The following APPL2 variants were observed in gnomAD, a reference collection of about 807,000 sequenced individuals.
APPL2 encodes DCC-interacting protein 13-beta.
In APPL2, 84 loss-of-function variants were observed where a neutral mutation model predicts 92.7. The ratio of observed to expected loss-of-function variants is 0.91; its 90% CI spans 0.76 to 1.09. The LOEUF (loss-of-function observed/expected upper bound fraction) is 1.09. Ranked by LOEUF, APPL2 falls within the 50% of genes least tolerant of loss-of-function variation. APPL2 has a pLI of 0.00. For synonymous variants in APPL2, 291 were observed against 291.0 expected, an observed-to-expected ratio of 1.00 and a Z score of 0.00; for missense variants, 736 against 824.5, an observed-to-expected ratio of 0.89 and a Z score of 1.31.
Position 105,176,381 on chromosome 12 carries a change from G to A in APPL2, c.1813-299C>T, listed in dbSNP as rs1291948331. 19 of 532,382 alleles carry A rather than the reference G, an allele frequency of 3.6e-5. No homozygotes were observed. In the East Asian group the frequency reaches 6.0e-4, roughly 17 times the overall value. 33.0% of individuals were successfully genotyped at this position (532,382 alleles called of 1,614,324 possible). A position where few individuals can be genotyped will look rare whatever the true frequency, so the allele number is the denominator to read the frequency against. On this transcript the variant is annotated intron_variant, in intron 19 of 20. Transcript: ENST00000258530. Reference sequence around the variant, plus strand: ...CTCTCTCTTAAATGTATTTAGCCACGATATGTCCATATACACAGTGGCAAA... The same window carrying A: ...CTCTCTCTTAAATGTATTTAGCCACAATATGTCCATATACACAGTGGCAAA...
At chr12:105,232,994 G>C (rs1196978824) in intron 1 of APPL2, 1 of 726,462 alleles carries the variant, frequency 1.4e-6, no homozygotes, top group Non-Finnish European at 1.7e-6. Context: ...TTATTTCTTT[G>C]TTCCGTTATG....
chr12:105,211,577 C>G (rs1889220833), intron 4 of APPL2, among the ~76,000 whole-genome samples: 1 of 152,234 alleles, frequency 6.6e-6, no homozygotes, highest in East Asian at 1.9e-4. Flanking sequence ...ACCCTGTTCA[C>G]TGGGCAGACT....
chr12:105,221,158 C>T (rs1890068672), intron 2 of APPL2, among the ~76,000 whole-genome samples: 1 of 152,222 alleles, frequency 6.6e-6, no homozygotes, highest in Non-Finnish European at 1.5e-5. Context: ...AATTAATCCA[C>T]GCCCTGTGCC....
chr12:105,174,234 T>C lies in APPL2; in HGVS notation c.*80A>G. ...TCAGCCTTCGGAAATCAGGTCAGTG[T>C]GCCTGTATGTCAGAGACGTTAAAAC... On this transcript the variant is annotated 3_prime_UTR_variant, in exon 21 of 21. Transcript: ENST00000258530. The C allele has an allele frequency of 2.0e-6, 3 of 1,515,344 alleles. No individual in the cohort carries two copies. The highest frequency in any genetic ancestry group is 2.7e-6 in the Non-Finnish European group (3 of 1,124,624). 93.9% of individuals were successfully genotyped at this position (1,515,344 alleles called of 1,614,324 possible).
intron 1 of APPL2, chr12:105,233,218 T>A: frequency 1.0e-6 from 1 of 985,444 alleles, no homozygotes; most frequent in East Asian, 1.1e-4. Flanking sequence ...TGGAACAAAC[T>A]GTGAACCAGT....
intron 17 of APPL2, among the ~76,000 whole-genome samples, chr12:105,186,725 ATC>A (rs1466220437): frequency 7.2e-6 from 1 of 139,676 alleles, no homozygotes; most frequent in Non-Finnish European, 1.5e-5. Context: ...TCATATATAT[ATC>A]ATATATATCA....
At chr12:105,212,104 G>A (rs995903817) in intron 4 of APPL2, among the ~76,000 whole-genome samples, 3 of 119,966 alleles carry the variant, frequency 2.5e-5, no homozygotes, top group African/African-American at 9.6e-5. Flanking sequence ...GGGTGACAGA[G>A]CGAGACTCCA....
Position 105,197,866 on chromosome 12 carries a change from C to T in APPL2, c.951G>A (p.Val317=). 1 of 1,614,174 alleles carries T rather than the reference C, an allele frequency of 6.2e-7. No homozygotes were observed. Among genetic ancestry groups the T allele is most frequent in the Admixed American group, 1.7e-5 (1 of 60,020 alleles). ...CCAGGTCCTGGATCAAACCTCCAGC[C>T]ACGGCTCCCCTGGGCTGACACATGA... ...GNLMCQPRGA[V]AGGLIQDLDN... is the part of the protein sequence containing the mutation. Residue 317 remains valine, a synonymous_variant, in exon 11 of 21, where the codon GTG becomes GTA. Transcript: ENST00000258530.
In APPL2 at chr12:105,203,267, T is replaced by C. The variant is rs372720695; in HGVS notation, c.704+436A>G. Among the ~76,000 whole-genome samples the C allele has an allele frequency of 1.7e-3, 259 of 152,354 alleles. 3 individuals are homozygous for C. Among genetic ancestry groups the C allele is most frequent in the African/African-American group, 6.2e-3 (256 of 41,572 alleles). ...AACTACTGAAGACAGTGATGTTGTATTTCTTAAAATAAGCAAATACAGTTT... is the reference window on the plus strand; with the variant it reads ...AACTACTGAAGACAGTGATGTTGTACTTCTTAAAATAAGCAAATACAGTTT... On this transcript the variant is annotated intron_variant, in intron 9 of 20. Transcript: ENST00000258530.
At chr12:105,233,580 A>G (rs1174468810) in intron 1 of APPL2, 5 of 175,404 alleles carry the variant, frequency 2.9e-5, no homozygotes, top group Non-Finnish European at 4.5e-5. Context: ...ATTACTCTTC[A>G]TAAAACTAGA....
chr12:105,208,119 C>A, intron 6 of APPL2, 39 bp downstream of exon 6: 1 of 1,613,936 alleles, frequency 6.2e-7, no homozygotes, highest in Non-Finnish European at 8.5e-7. Flanking sequence ...CCACAGTAAG[C>A]CCACACACCC....
chr12:105,227,964 CA>C (rs1442753112), intron 2 of APPL2, among the ~76,000 whole-genome samples: 1 of 152,178 alleles, frequency 6.6e-6, no homozygotes, highest in Non-Finnish European at 1.5e-5. Flanking sequence ...AGCACAACCC[CA>C]CTAGGTTAGG....
chr12:105,189,415 T>G (rs1391777778), intron 16 of APPL2, among the ~76,000 whole-genome samples: 1 of 152,246 alleles, frequency 6.6e-6, no homozygotes, highest in Non-Finnish European at 1.5e-5. Context: ...TGTGTCATCT[T>G]CAAATTCAAG....
At chr12:105,231,308 G>A (rs1301344226) in intron 1 of APPL2, among the ~76,000 whole-genome samples, 2 of 152,234 alleles carry the variant, frequency 1.3e-5, no homozygotes, top group Admixed American at 6.5e-5. Flanking sequence ...AAGGGAAAGA[G>A]AGGGTTTGCA....
intron 11 of APPL2, among the ~76,000 whole-genome samples, chr12:105,196,487 G>A (rs1467194018): frequency 2.1e-5 from 3 of 139,794 alleles, no homozygotes; most frequent in Non-Finnish European, 1.5e-5. Flanking sequence ...CCAGGCTGGA[G>A]TGCAATGGTG....
intron 9 of APPL2, among the ~76,000 whole-genome samples, chr12:105,200,398 A>G (rs1039294325): frequency 7.2e-5 from 11 of 152,224 alleles, no homozygotes; most frequent in Non-Finnish European, 1.5e-4. Flanking sequence ...TTCCTTTTTT[A>G]ACAGCCATAG....
intron 19 of APPL2, among the ~76,000 whole-genome samples, chr12:105,176,592 G>T (rs1464072397): frequency 6.6e-6 from 1 of 152,148 alleles, no homozygotes; most frequent in Non-Finnish European, 1.5e-5. Flanking sequence ...GAACAAATTT[G>T]AGGGGAACTG....
intron 4 of APPL2, among the ~76,000 whole-genome samples, chr12:105,211,930 C>T (rs1162134297): frequency 6.6e-6 from 1 of 151,990 alleles, no homozygotes; most frequent in Non-Finnish European, 1.5e-5. Flanking sequence ...ACCATCCTTG[C>T]TAGCACAGTG....
At chr12:105,231,769 C>A (rs1055473389) in intron 1 of APPL2, among the ~76,000 whole-genome samples, 1 of 152,182 alleles carries the variant, frequency 6.6e-6, no homozygotes, top group African/African-American at 2.4e-5. Context: ...AACTGTGATG[C>A]CCATTAGAAC....
Sources: gnomAD v4.1 joint callset for allele counts (sites outside exome capture counted in the v4.1 genomes callset) on GRCh38, gnomAD v4.1.1 for gene constraint, MANE v1.5 for transcripts, NCBI Gene and HGNC (gene_info 2026-07-23, HGNC 2026-07-21) for gene names.